PTBP3: variants seen among roughly 807,000 people sequenced by gnomAD.
The protein encoded by PTBP3 is polypyrimidine tract binding protein 3, also known as polypyrimidine tract-binding protein 3.
Under a neutral mutation model 58.7 loss-of-function variants are expected in PTBP3, and 20 were observed. The observed-to-expected ratio is 0.34, with a 90% CI of 0.24 to 0.50. The LOEUF is 0.50. Ranked by LOEUF, PTBP3 falls within the 20% of genes least tolerant of loss-of-function variation. The pLI, the probability that PTBP3 is intolerant of heterozygous loss-of-function variation, is 0.98. For missense variants in PTBP3, 509 were observed against 637.2 expected (o/e 0.80, Z 2.17); for synonymous variants, 185 against 219.8 (o/e 0.84, Z 1.40).
At chr9:112,362,262 A>G in the PTBP3 span, among the ~76,000 whole-genome samples, 2 of 152,228 alleles carry the variant, frequency 1.3e-5, no homozygotes, top group African/African-American at 4.8e-5. Flanking sequence ...GCAGTGAGCC[A>G]TGGTTGCACC....
At chr9:112,317,751 A>G (rs1207637126) in intron 1 of PTBP3, among the ~76,000 whole-genome samples, 1 of 152,166 alleles carries the variant, frequency 6.6e-6, no homozygotes, top group Non-Finnish European at 1.5e-5. Context: ...GTTTGAGACC[A>G]GCCTGACCAA....
rs1183067177 is a variant in PTBP3 at position 112,268,069 on chromosome 9, C to A, written c.331G>T (p.Asp111Tyr). ...QYSNHRELKT[D>Y]NLPNQARAQA... is the part of the protein sequence containing the mutation. ...CTTACAGCTTGATTAGGTAGATTGT[C>A]AGTCTTAAGTTCTCTGTGATTGGAA... Residue 111 changes from aspartate to tyrosine, a missense_variant, in exon 4 of 14, where the codon GAC becomes TAC. Asp to Tyr is a radical substitution (Grantham distance 160). Coordinates refer to ENST00000374257, the MANE Select transcript of PTBP3 (RefSeq NM_001163788.4). The A allele has an allele frequency of 6.2e-7, 1 of 1,610,956 alleles. No individual in the cohort carries two copies. The highest frequency in any genetic ancestry group is 1.1e-5 in the South Asian group (1 of 90,302).
At chr9:112,351,967 C>T in the PTBP3 span, among the ~76,000 whole-genome samples, 1 of 151,402 alleles carries the variant, frequency 6.6e-6, no homozygotes, top group Non-Finnish European at 1.5e-5. Context: ...TTTTTTTCCC[C>T]CAAGACAGAG....
intron 3 of PTBP3, among the ~76,000 whole-genome samples, chr9:112,273,231 C>A (rs1827464547): frequency 6.6e-6 from 1 of 152,094 alleles, no homozygotes; most frequent in South Asian, 2.1e-4. Context: ...CTTAAAAGAG[C>A]AAAACTGACT....
At chr9:112,299,639 T>C (rs914536810) in intron 1 of PTBP3, among the ~76,000 whole-genome samples, 3 of 152,212 alleles carry the variant, frequency 2.0e-5, no homozygotes, top group South Asian at 2.1e-4. Context: ...ACCCTCTCCT[T>C]TTCCTGAACA....
chr9:112,234,847 G>A lies in PTBP3; in HGVS notation c.853C>T (p.Pro285Ser). ...SPYAGAAGFA[P>S]AIGFPQATGL... ...GTAGCTTGAGGAAATCCAATGGCTGGGGCAAATCCAGCAGCCCCTGCATAT... is the reference window on the plus strand; with the variant it reads ...GTAGCTTGAGGAAATCCAATGGCTGAGGCAAATCCAGCAGCCCCTGCATAT... Residue 285 changes from proline (P) to serine (S), a missense_variant, in exon 8 of 14, where the codon CCA (proline) becomes TCA (serine). Around this residue, in one of 4 missense-constraint regions of PTBP3, gnomAD observed 121 missense variants for 114.8 expected, o/e 1.05. Transcript: ENST00000374257. The A allele has an allele frequency of 6.2e-7, 1 of 1,612,760 alleles. No individual in the cohort carries two copies.
the PTBP3 span, among the ~76,000 whole-genome samples, chr9:112,374,149 T>C: frequency 6.6e-6 from 1 of 152,226 alleles, no homozygotes; most frequent in Non-Finnish European, 1.5e-5. Context: ...AGTAGTAGAC[T>C]GATTTCATCT....
intron 3 of PTBP3, among the ~76,000 whole-genome samples, chr9:112,275,009 C>T (rs148584281): frequency 6.6e-6 from 1 of 152,330 alleles, no homozygotes; most frequent in Admixed American, 6.5e-5. Flanking sequence ...ACTGTTCTGT[C>T]TTGCCCGGTG....
At chr9:112,225,903 C>A (rs1834970660) in intron 12 of PTBP3, among the ~76,000 whole-genome samples, 1 of 152,008 alleles carries the variant, frequency 6.6e-6, no homozygotes, top group African/African-American at 2.4e-5. Flanking sequence ...AAAAAATTAG[C>A]TGGGCATGCC....
chr9:112,342,538 G>A, the PTBP3 span, among the ~76,000 whole-genome samples: 1 of 152,158 alleles, frequency 6.6e-6, no homozygotes, highest in Non-Finnish European at 1.5e-5. Flanking sequence ...CCAACATGGT[G>A]AAACCCATCT....
intron 1 of PTBP3, among the ~76,000 whole-genome samples, chr9:112,309,021 T>C (rs1244930149): frequency 2.6e-5 from 4 of 152,208 alleles, no homozygotes; most frequent in African/African-American, 7.2e-5. Context: ...ATTAAAGACG[T>C]TGAAGTAACA....
chr9:112,254,290 T>C (rs1175488043), intron 5 of PTBP3, among the ~76,000 whole-genome samples: 2 of 152,110 alleles, frequency 1.3e-5, no homozygotes, highest in Non-Finnish European at 2.9e-5. Context: ...CTGGCCCTGC[T>C]TTTTAATTCT....
the PTBP3 span, among the ~76,000 whole-genome samples, chr9:112,340,407 A>G: frequency 8.0e-4 from 121 of 152,066 alleles, no homozygotes; most frequent in African/African-American, 2.8e-3. Flanking sequence ...TTAATATTTT[A>G]TATGATTTTC....
chr9:112,374,048 T>C, the PTBP3 span, among the ~76,000 whole-genome samples: 4 of 152,202 alleles, frequency 2.6e-5, no homozygotes, highest in Non-Finnish European at 5.9e-5. Context: ...ATAGTCCTGC[T>C]TGGATTGGGC....
intron 7 of PTBP3, among the ~76,000 whole-genome samples, chr9:112,240,090 T>C (rs890188045): frequency 6.6e-5 from 10 of 151,056 alleles, no homozygotes; most frequent in African/African-American, 2.2e-4. Flanking sequence ...AAGGATGAAG[T>C]AGGGGAGCAC....
At chr9:112,319,416 G>A (rs1444258345) in intron 1 of PTBP3, among the ~76,000 whole-genome samples, 1 of 152,084 alleles carries the variant, frequency 6.6e-6, no homozygotes, top group Non-Finnish European at 1.5e-5. Context: ...TGTGCCTATA[G>A]TCCCAGGTAT....
chr9:112,272,116 G>A (rs73539724), intron 3 of PTBP3, among the ~76,000 whole-genome samples: 5,115 of 151,344 alleles, frequency 0.034, 169 homozygotes, highest in African/African-American at 0.088. Flanking sequence ...ACACTGGACC[G>A]CAGTGGCGTG....
In PTBP3 at chr9:112,228,725, A is replaced by G. The variant is rs1054186234; in HGVS notation, c.1055-253T>C. Among the ~76,000 whole-genome samples, 4 of 152,082 alleles carry G rather than the reference A, an allele frequency of 2.6e-5. 1 individual carries two copies. Among genetic ancestry groups the G allele is most frequent in the African/African-American group, 9.7e-5 (4 of 41,396 alleles). On this transcript the variant is annotated intron_variant, in intron 10 of 13. Coordinates refer to ENST00000374257, the MANE Select transcript of PTBP3 (RefSeq NM_001163788.4). Reference sequence around the variant, plus strand: ...TCCCCCCTTTCCTCTCCCCACTCCCAGTGCTCACTAAAGCTGTAGATAAAT... The same window carrying G: ...TCCCCCCTTTCCTCTCCCCACTCCCGGTGCTCACTAAAGCTGTAGATAAAT...
At chr9:112,322,132 C>A (rs2132448137) in intron 1 of PTBP3, among the ~76,000 whole-genome samples, 2 of 35,032 alleles carry the variant, frequency 5.7e-5, no homozygotes, top group African/African-American at 2.1e-4. Context: ...GAGACTCCAT[C>A]TCAAAAAAAA....
Sources: allele counts gnomAD v4.1 joint callset (sites outside exome capture counted in the v4.1 genomes callset), GRCh38; gene constraint gnomAD v4.1.1; regional missense constraint gnomAD v4.1.1; transcripts MANE v1.5; gene names NCBI Gene and HGNC (gene_info 2026-07-23, HGNC 2026-07-21).